Variants in NOD2 observed in about 807,000 individuals in gnomAD.
NOD2 encodes the protein nucleotide-binding oligomerization domain-containing protein 2.
NOD2 carries 86 observed loss-of-function variants against 90.9 expected under a neutral mutation model. The ratio of observed to expected loss-of-function variants is 0.95; its 90% CI spans 0.79 to 1.13. NOD2 has a LOEUF of 1.13. Ranked by LOEUF, NOD2 falls within the 50% of genes most tolerant of loss-of-function variation. The pLI, the probability that NOD2 is intolerant of heterozygous loss-of-function variation, is 0.00. For synonymous variants in NOD2, 581 were observed against 554.6 expected, an observed-to-expected ratio of 1.05 and a Z score of -0.67; for missense variants, 1,238 against 1,283.8, an observed-to-expected ratio of 0.96 and a Z score of 0.55.
chr16:50,695,943 G>A (rs1054297364), intron 1 of NOD2, among the ~76,000 whole-genome samples: 3 of 152,212 alleles, frequency 2.0e-5, no homozygotes, highest in Admixed American at 2.0e-4. Flanking sequence ...AGATAAATGG[G>A]ATTGGAGCCA....
At chr16:50,709,538 G>A (rs1596857319) in intron 3 of NOD2, among the ~76,000 whole-genome samples, 1 of 152,148 alleles carries the variant, frequency 6.6e-6, no homozygotes, top group South Asian at 2.1e-4. Flanking sequence ...AACACACCCC[G>A]TGCATGAAAA....
At position 50,705,040 on chromosome 16, in the gene NOD2, TATTA is replaced by T. The variant is rs371531407; in HGVS notation, c.460-2811_460-2808del. 6.0e-4 allele frequency among the ~76,000 whole-genome samples: 91 copies of T among 152,356 alleles called. 1 individual carries two copies. Among genetic ancestry groups the T allele is most frequent in the African/African-American group, 2.2e-3 (90 of 41,584 alleles). On this transcript the variant is annotated intron_variant, in intron 2 of 11. Coordinates refer to ENST00000647318, the MANE Select transcript of NOD2 (RefSeq NM_001370466.1). Reference sequence around the variant, plus strand: ...ATCTCTTCTCTTTTCATGAAACTACTATTAATTCAATGTTAGAATTCCTTGACTG... The same window carrying T: ...ATCTCTTCTCTTTTCATGAAACTACTATTCAATGTTAGAATTCCTTGACTG...
At chr16:50,717,225 T>C (rs576547026) in intron 6 of NOD2, among the ~76,000 whole-genome samples, 2 of 152,376 alleles carry the variant, frequency 1.3e-5, no homozygotes. Flanking sequence ...TCTAGGCCCC[T>C]TTCCTTTTCT....
chr16:50,696,918 C>T (rs1963672524), intron 1 of NOD2, among the ~76,000 whole-genome samples: 1 of 152,226 alleles, frequency 6.6e-6, no homozygotes, highest in South Asian at 2.1e-4. Context: ...CCAGGCTGCC[C>T]TAGGCTTGGT....
At chr16:50,720,089 G>T in intron 7 of NOD2, 81 bp downstream of exon 7, 1 of 1,331,850 alleles carries the variant, frequency 7.5e-7, no homozygotes, top group Non-Finnish European at 1.1e-6. Flanking sequence ...AAACTCTTCA[G>T]CCAGGAGGCC....
chr16:50,708,012 C>T (rs754640348), intron 3 of NOD2, 52 bp downstream of exon 3: 30 of 1,279,858 alleles, frequency 2.3e-5, no homozygotes, highest in Admixed American at 3.4e-5. Flanking sequence ...CAGTGCAGAT[C>T]CATGGTTAAG....
rs181255947 is a variant in NOD2, at chr16:50,698,333, G to A, written c.-8-1155G>A. Among the ~76,000 whole-genome samples, 30 of 152,328 alleles carry A rather than the reference G, an allele frequency of 2.0e-4. 1 individual carries two copies. The highest frequency in any genetic ancestry group is 7.2e-4 in the African/African-American group (30 of 41,578). On this transcript the variant is annotated intron_variant, in intron 1 of 11. Transcript: ENST00000647318. ...CAGGTCACTGATGATAGCAGTGGCAGCAGTCTGTGCACGGTGGTTTCGAGG... is the reference window on the plus strand; with the variant it reads ...CAGGTCACTGATGATAGCAGTGGCAACAGTCTGTGCACGGTGGTTTCGAGG...
intron 10 of NOD2, chr16:50,728,592 T>C (rs534154043): frequency 1.4e-3 from 227 of 161,756 alleles, no homozygotes; most frequent in Middle Eastern, 6.2e-3. Flanking sequence ...ATTTCAACAA[T>C]GCAAAAACTG....
intron 10 of NOD2, 40 bp from the exon 11 acceptor site, chr16:50,729,778 C>G (rs1412164627): frequency 6.4e-7 from 1 of 1,570,476 alleles, no homozygotes; most frequent in Non-Finnish European, 8.8e-7. Flanking sequence ...AGAGGAAAAC[C>G]AAGAATCCTT....
intron 1 of NOD2, among the ~76,000 whole-genome samples, chr16:50,698,299 A>G (rs998290926): frequency 6.6e-6 from 1 of 152,178 alleles, no homozygotes; most frequent in African/African-American, 2.4e-5. Context: ...AAATTCCCAG[A>G]ACGCACAGCA....
In NOD2 at chr16:50,712,140, C is replaced by G. The variant is rs146458676; in HGVS notation, c.2148C>G (p.Ile716Met). 3 of 1,614,002 alleles carry G rather than the reference C, an allele frequency of 1.9e-6. No individual in the cohort carries two copies. Among genetic ancestry groups the G allele is most frequent in the Non-Finnish European group, 2.5e-6 (3 of 1,180,052 alleles). The change falls in exon 4 of 12, where the codon ATC becomes ATG. Residue 716 changes from isoleucine to methionine, a missense_variant. Around this residue, in one of 3 missense-constraint regions of NOD2, gnomAD observed 667 missense variants for 688.7 expected, o/e 0.97. Transcript: ENST00000647318. ...CCATGCCCGGGTTCATCTGGCTCAT[C>G]CGGAGCCTGTACGAGATGCAGGAGG... ...VHAMPGFIWL[I>M]RSLYEMQEER...
chr16:50,719,621 G>C (rs1231665625), intron 6 of NOD2: 2 of 505,366 alleles, frequency 4.0e-6, no homozygotes, highest in Non-Finnish European at 7.6e-6. Context: ...GTGTGACCCT[G>C]AGTCACCCTC....
At chr16:50,726,072 G>A (rs368474657) in intron 10 of NOD2, among the ~76,000 whole-genome samples, 1 of 152,182 alleles carries the variant, frequency 6.6e-6, no homozygotes, top group East Asian at 1.9e-4. Context: ...AGAGTGGAAG[G>A]TCTTCTCTGC....
chr16:50,699,341 A>G, intron 1 of NOD2, 147 bp from the exon 2 acceptor site: 1 of 698,658 alleles, frequency 1.4e-6, no homozygotes, highest in Non-Finnish European at 2.6e-6. Context: ...TCACATCTAT[A>G]TGGTGGGGAG....
intron 7 of NOD2, among the ~76,000 whole-genome samples, chr16:50,721,186 A>C (rs1965039962): frequency 6.6e-6 from 1 of 151,920 alleles, no homozygotes; most frequent in South Asian, 2.1e-4. Context: ...GTAGCAACAG[A>C]GTCTAGAACA....
At chr16:50,706,967 G>A (rs898903977) in intron 2 of NOD2, among the ~76,000 whole-genome samples, 4 of 152,026 alleles carry the variant, frequency 2.6e-5, no homozygotes, top group African/African-American at 9.7e-5. Flanking sequence ...CAAATTGCTG[G>A]GATTACAGGC....
chr16:50,722,591 C>T (rs1375125824), intron 7 of NOD2, 31 bp from the exon 8 acceptor site: 2 of 1,598,524 alleles, frequency 1.3e-6, no homozygotes, highest in Admixed American at 1.7e-5. Flanking sequence ...TACTCACTGA[C>T]ACTGTCTGTT....
At chr16:50,731,674 T>C (rs1321366382) in intron 11 of NOD2, 73 bp from the exon 12 acceptor site, 8 of 1,031,506 alleles carry the variant, frequency 7.8e-6, no homozygotes, top group Non-Finnish European at 1.1e-5. Flanking sequence ...GTTTAAAAAG[T>C]GGAGGCTTTT....
At chr16:50,723,199 G>T in intron 8 of NOD2, 102 bp from the exon 9 acceptor site, 1 of 830,266 alleles carries the variant, frequency 1.2e-6, no homozygotes, top group South Asian at 1.4e-5. Context: ...GTCTGAAATG[G>T]AGCAGACCAG....
Sources: gnomAD v4.1 joint callset for allele counts (sites outside exome capture counted in the v4.1 genomes callset) on GRCh38, gnomAD v4.1.1 for gene constraint, gnomAD v4.1.1 regional missense constraint, MANE v1.5 for transcripts, NCBI Gene and HGNC (gene_info 2026-07-23, HGNC 2026-07-21) for gene names.